Variants in NEK10 observed in about 807,000 individuals in gnomAD.
NEK10 encodes serine/threonine-protein kinase Nek10.
In NEK10, 122 loss-of-function variants were observed where a neutral mutation model predicts 159.8. The ratio of observed to expected loss-of-function variants is 0.76; its 90% CI spans 0.66 to 0.89. The LOEUF (loss-of-function observed/expected upper bound fraction) is 0.89, where lower values mean the gene tolerates loss of function less well. Ranked by LOEUF, NEK10 falls within the 40% of genes least tolerant of loss-of-function variation. The pLI is 0.00. For synonymous variants in NEK10, 466 were observed against 457.1 expected, an observed-to-expected ratio of 1.02 and a Z score of -0.25; for missense variants, 1,342 against 1,323.1, an observed-to-expected ratio of 1.01 and a Z score of -0.22.
chr3:27,308,813 T>G, intron 10 of NEK10, 113 bp downstream of exon 10: 1 of 466,836 alleles, frequency 2.1e-6, no homozygotes. Context: ...TTCACACTTA[T>G]TTATCAAGAA....
intron 22 of NEK10, among the ~76,000 whole-genome samples, chr3:27,277,068 G>A (rs2041825170): frequency 6.6e-6 from 1 of 152,174 alleles, no homozygotes; most frequent in Admixed American, 6.5e-5. Context: ...AGATGAGACA[G>A]CATTTGGAGA....
At position 27,317,871 on chromosome 3, in the gene NEK10, T is replaced by C. The variant is rs552491902; in HGVS notation, c.448-3533A>G. Among the ~76,000 whole-genome samples the C allele has an allele frequency of 2.0e-3, 299 of 152,256 alleles. 9 individuals are homozygous for C. The highest frequency in any genetic ancestry group is 0.014 in the Admixed American group (210 of 15,292). ...AGGCTGGAGTGCAGTGGCGCGATCT[T>C]GGCTCACTGCAAGCTCCGCCTCCCG... is the stretch of plus-strand genomic sequence containing the variant. On this transcript the variant is annotated intron_variant, in intron 6 of 35. Transcript: ENST00000691995.
At chr3:27,364,347 A>AC (rs1559568361) in intron 1 of NEK10, among the ~76,000 whole-genome samples, 3 of 101,014 alleles carry the variant, frequency 3.0e-5, no homozygotes, top group South Asian at 4.0e-4. Flanking sequence ...TGCCTGGCTA[A>AC]TTGTGTGTGT....
chr3:27,347,746 A>G (rs2047673053), intron 3 of NEK10, among the ~76,000 whole-genome samples: 1 of 152,172 alleles, frequency 6.6e-6, no homozygotes, highest in Non-Finnish European at 1.5e-5. Context: ...GCCAATCTAC[A>G]ACCACCAAAA....
At chr3:27,193,807 T>C (rs1055655655) in intron 25 of NEK10, among the ~76,000 whole-genome samples, 1 of 152,054 alleles carries the variant, frequency 6.6e-6, no homozygotes, top group Non-Finnish European at 1.5e-5. Context: ...TTAAAACTAT[T>C]GTAATTATTT....
At chr3:27,339,723 G>A (rs2047063610) in intron 5 of NEK10, among the ~76,000 whole-genome samples, 1 of 150,310 alleles carries the variant, frequency 6.7e-6, no homozygotes, top group South Asian at 2.1e-4. Flanking sequence ...AAGTTGCAGT[G>A]AGCCGAGATC....
intron 1 of NEK10, among the ~76,000 whole-genome samples, chr3:27,353,626 A>G (rs1444813199): frequency 1.3e-5 from 2 of 152,174 alleles, no homozygotes; most frequent in Admixed American, 6.6e-5. Context: ...AGAGCCAGGG[A>G]CCAAGTCTCT....
intron 32 of NEK10, 90 bp from the exon 33 acceptor site, chr3:27,119,958 T>A: frequency 1.2e-6 from 1 of 868,710 alleles, no homozygotes; most frequent in African/African-American, 1.7e-5. Context: ...TTTCCCTATG[T>A]CTCTGCACAG....
intron 1 of NEK10, among the ~76,000 whole-genome samples, chr3:27,361,331 T>C (rs2048671293): frequency 6.6e-6 from 1 of 152,202 alleles, no homozygotes; most frequent in South Asian, 2.1e-4. Flanking sequence ...GTTTACAATG[T>C]GCCTGTGTTA....
chr3:27,352,803 G>T lies in NEK10; in HGVS notation c.71+9C>A. The T allele has an allele frequency of 6.3e-7, 1 of 1,588,038 alleles. No homozygotes were observed. The highest frequency in any genetic ancestry group is 8.6e-7 in the Non-Finnish European group (1 of 1,156,584). On this transcript the variant is annotated intron_variant, in intron 2 of 35. Transcript: ENST00000691995. Reference sequence around the variant, plus strand: ...GTTAACAATTAGCAAACACTCAGTAGGGAGTTACCTGATGGTGATTTCTTG... The same window carrying T: ...GTTAACAATTAGCAAACACTCAGTATGGAGTTACCTGATGGTGATTTCTTG...
intron 23 of NEK10, among the ~76,000 whole-genome samples, chr3:27,249,606 G>A (rs1955444315): frequency 6.6e-6 from 1 of 151,976 alleles, no homozygotes; most frequent in Non-Finnish European, 1.5e-5. Context: ...TTCAGTCTAT[G>A]TGTCTTTAGA....
intron 26 of NEK10, among the ~76,000 whole-genome samples, chr3:27,190,257 C>T (rs1023087087): frequency 2.6e-5 from 4 of 152,048 alleles, no homozygotes; most frequent in Admixed American, 1.3e-4. Context: ...TTTTACCTGG[C>T]GATAGCCTGA....
In NEK10 at chr3:27,166,723, GC is replaced by G. The variant is rs1158786678; in HGVS notation, c.2832-3986del. The stretch of plus-strand genomic sequence containing the variant: ...GCCTGCAATCCTACCACTTTGGGAG[GC>G]CCAGGGGGGTGGATCACCTGAAGTC... On this transcript the variant is annotated intron_variant, in intron 29 of 35. Transcript: ENST00000691995. Among the ~76,000 whole-genome samples, 54 of 152,262 alleles carry G rather than the reference GC, an allele frequency of 3.5e-4. 1 individual carries two copies. Among genetic ancestry groups the G allele is most frequent in the African/African-American group, 1.2e-3 (50 of 41,568 alleles).
At chr3:27,264,404 A>G (rs34942812) in intron 22 of NEK10, among the ~76,000 whole-genome samples, 19,585 of 152,140 alleles carry the variant, frequency 0.13, 3,118 homozygotes, top group African/African-American at 0.38. Flanking sequence ...AAATGTAAGT[A>G]AATCAAATCC....
At chr3:27,162,908 G>A (rs1331508125) in intron 29 of NEK10, 170 bp from the exon 30 acceptor site, 1 of 406,828 alleles carries the variant, frequency 2.5e-6, no homozygotes, top group Non-Finnish European at 3.3e-6. Flanking sequence ...GCAATAAACA[G>A]TACAATTGAC....
Position 27,346,154 on chromosome 3 carries a change from C to T in NEK10, c.195G>A (p.Arg65=). The T allele has an allele frequency of 6.2e-7, 1 of 1,613,740 alleles. No homozygotes were observed. The highest frequency in any genetic ancestry group is 1.1e-5 in the South Asian group (1 of 91,080). ...NSMTKSEPAI[R]AGGHRARGQW... ...GACCCCGAGCTCTGTGTCCACCCGCCCTGATGGCGGGCTCAGACTTCGTCA... is the reference window on the plus strand; with the variant it reads ...GACCCCGAGCTCTGTGTCCACCCGCTCTGATGGCGGGCTCAGACTTCGTCA... The change falls in exon 4 of 36, where the codon AGG becomes AGA. Residue 65 remains arginine (R), a synonymous_variant. Transcript: ENST00000691995.
Position 27,281,460 on chromosome 3 carries a change from G to A in NEK10, c.2014+3142C>T, listed in dbSNP as rs547546545. 4.0e-5 allele frequency among the ~76,000 whole-genome samples: 6 copies of A among 151,850 alleles called. No individual in the cohort carries two copies. In the East Asian group the frequency reaches 1.2e-3, roughly 29 times the overall value. On this transcript the variant is annotated intron_variant, in intron 22 of 35. Transcript: ENST00000691995. ...ATGTATCAAGAAATAGGCCTCAGAAGAACACTGGATTTCCTGACAGCAAAA... is the reference window on the plus strand; with the variant it reads ...ATGTATCAAGAAATAGGCCTCAGAAAAACACTGGATTTCCTGACAGCAAAA...
intron 31 of NEK10, among the ~76,000 whole-genome samples, chr3:27,139,994 G>A (rs1458453514): frequency 6.6e-6 from 1 of 152,178 alleles, no homozygotes; most frequent in Non-Finnish European, 1.5e-5. Context: ...CCAGTTGTCA[G>A]GGGCCAACTG....
intron 23 of NEK10, chr3:27,215,777 G>A (rs560960852): frequency 5.6e-6 from 4 of 716,232 alleles, no homozygotes; most frequent in Admixed American, 4.0e-5. Flanking sequence ...TGCTTCTTGG[G>A]AGGCATCAGG....
Sources: gnomAD v4.1 joint callset for allele counts (sites outside exome capture counted in the v4.1 genomes callset) on GRCh38, gnomAD v4.1.1 for gene constraint, MANE v1.5 for transcripts, NCBI Gene and HGNC (gene_info 2026-07-23, HGNC 2026-07-21) for gene names.